Variants in SYT1 observed in about 807,000 individuals in gnomAD.
The protein encoded by SYT1 is synaptotagmin 1, also known as synaptotagmin-1.
In SYT1, 8 loss-of-function variants were observed where a neutral mutation model predicts 44.8. The observed-to-expected ratio is 0.18, with a 90% CI of 0.10 to 0.32. The LOEUF is 0.32. Ranked by LOEUF, SYT1 falls within the 10% of genes least tolerant of loss-of-function variation. SYT1 has a pLI of 1.00. For synonymous variants in SYT1, 154 were observed against 188.8 expected (o/e 0.82, Z 1.51); for missense variants, 286 against 509.3 (o/e 0.56, Z 4.22).
intron 1 of SYT1, among the ~76,000 whole-genome samples, chr12:78,906,045 T>C (rs1875963302): frequency 6.6e-6 from 1 of 152,058 alleles, no homozygotes. Context: ...AAAAGCACTA[T>C]TTTTAGCATA....
chr12:79,127,999 G>C (rs1002891302), intron 3 of SYT1, among the ~76,000 whole-genome samples: 1 of 152,186 alleles, frequency 6.6e-6, no homozygotes, highest in Non-Finnish European at 1.5e-5. Context: ...AACAGAAACA[G>C]TCATAATATA....
At chr12:79,117,164 A>G (rs79469272) in intron 3 of SYT1, among the ~76,000 whole-genome samples, 3,728 of 152,280 alleles carry the variant, frequency 0.024, 120 homozygotes, top group South Asian at 0.11. Context: ...AAAATCATTT[A>G]TAGGCTAATT....
intron 1 of SYT1, among the ~76,000 whole-genome samples, chr12:78,936,252 G>A (rs1878051346): frequency 6.6e-6 from 1 of 152,084 alleles, no homozygotes; most frequent in Non-Finnish European, 1.5e-5. Context: ...TAAGGACATA[G>A]TATTCATTGT....
chr12:79,083,280 T>A (rs983519180), intron 3 of SYT1, among the ~76,000 whole-genome samples: 9 of 152,164 alleles, frequency 5.9e-5, no homozygotes, highest in Non-Finnish European at 1.2e-4. Context: ...AAGATAAGAC[T>A]TATATACATT....
At chr12:78,891,225 A>C (rs1440327447) in intron 1 of SYT1, among the ~76,000 whole-genome samples, 1 of 151,876 alleles carries the variant, frequency 6.6e-6, no homozygotes, top group Admixed American at 6.6e-5. Context: ...CCAACATATA[A>C]TTTATGGTGT....
rs548550580 is a variant in SYT1, at chr12:79,406,267, G to A, written c.929-37806G>A. On this transcript the variant is annotated intron_variant, in intron 9 of 10. Transcript: ENST00000261205. ...TGCACTGCACTGTGGTGACTGGTAT[G>A]TCTGTAGCTGCAGGTTAAGCACTAT... Among the ~76,000 whole-genome samples the A allele has an allele frequency of 1.3e-5, 2 of 152,134 alleles. 1 individual carries two copies. Among genetic ancestry groups the A allele is most frequent in the South Asian group, 4.1e-4 (2 of 4,834 alleles).
chr12:78,883,014 A>G (rs533393579), intron 1 of SYT1, among the ~76,000 whole-genome samples: 1 of 151,834 alleles, frequency 6.6e-6, no homozygotes, highest in South Asian at 2.1e-4. Flanking sequence ...TAAAGTAGAG[A>G]TTGTTACTGA....
chr12:79,427,155 T>C (rs1379411004), intron 9 of SYT1, among the ~76,000 whole-genome samples: 3 of 152,214 alleles, frequency 2.0e-5, no homozygotes, highest in African/African-American at 7.2e-5. Context: ...CTCACTACAG[T>C]TATTCCAGCT....
At chr12:79,383,440 T>C (rs972684751) in intron 9 of SYT1, among the ~76,000 whole-genome samples, 1 of 152,208 alleles carries the variant, frequency 6.6e-6, no homozygotes, top group Non-Finnish European at 1.5e-5. Flanking sequence ...ATGAATATTT[T>C]CATGCTGTTC....
In SYT1 at chr12:79,127,955, TAA is replaced by T. The variant is rs368124821; in HGVS notation, c.-18+80595_-18+80596del. Among the ~76,000 whole-genome samples the T allele has an allele frequency of 8.5e-5, 13 of 152,264 alleles. No homozygotes were observed. In the East Asian group the frequency reaches 2.3e-3, roughly 27 times the overall value. ...ATAGATAGATGGGTAGATAGGTAAA[TAA>T]ATGCATGATGGATGAATTAGGTAGA... On this transcript the variant is annotated intron_variant, in intron 3 of 10. Coordinates refer to ENST00000261205, the MANE Select transcript of SYT1 (RefSeq NM_005639.3).
At chr12:78,948,809 T>TCCA (rs1878804638) in intron 1 of SYT1, among the ~76,000 whole-genome samples, 1 of 151,776 alleles carries the variant, frequency 6.6e-6, no homozygotes, top group African/African-American at 2.4e-5. Context: ...AGATAACTAC[T>TCCA]TGCATAGTGT....
intron 9 of SYT1, among the ~76,000 whole-genome samples, chr12:79,403,863 G>T (rs1274821001): frequency 1.3e-5 from 2 of 152,114 alleles, no homozygotes; most frequent in East Asian, 3.9e-4. Context: ...CTTCCTTCCT[G>T]GTGGTTCCAA....
intron 3 of SYT1, among the ~76,000 whole-genome samples, chr12:79,122,123 G>A (rs998353136): frequency 2.0e-5 from 3 of 152,166 alleles, no homozygotes; most frequent in African/African-American, 7.2e-5. Flanking sequence ...CACATCTTGA[G>A]TAAACTCTCA....
chr12:78,934,256 T>C (rs992475137), intron 1 of SYT1, among the ~76,000 whole-genome samples: 4 of 151,804 alleles, frequency 2.6e-5, no homozygotes, highest in African/African-American at 9.7e-5. Flanking sequence ...CCGTCATGTG[T>C]CAAGGACAGG....
chr12:78,905,760 GT>G (rs1337817452), intron 1 of SYT1, among the ~76,000 whole-genome samples: 4 of 151,796 alleles, frequency 2.6e-5, no homozygotes, highest in Admixed American at 2.6e-4. Flanking sequence ...TAAAGATAGA[GT>G]TTTTTGACCT....
chr12:79,357,268 A>G (rs185924854), intron 9 of SYT1, among the ~76,000 whole-genome samples: 154 of 152,298 alleles, frequency 1.0e-3, no homozygotes, highest in African/African-American at 3.6e-3. Flanking sequence ...GCACATCTCT[A>G]CAGTAGATCC....
intron 3 of SYT1, among the ~76,000 whole-genome samples, chr12:79,173,799 T>C (rs180717962): frequency 6.6e-6 from 1 of 152,186 alleles, no homozygotes; most frequent in Admixed American, 6.6e-5. Flanking sequence ...ATGAATTTAG[T>C]CAGTACGATT....
chr12:79,324,928 T>A (rs547672482), intron 8 of SYT1, among the ~76,000 whole-genome samples: 40 of 152,358 alleles, frequency 2.6e-4, no homozygotes, highest in Admixed American at 1.2e-3. Flanking sequence ...ATCATATTAA[T>A]CCAAAATACT....
intron 4 of SYT1, among the ~76,000 whole-genome samples, chr12:79,270,391 G>A (rs922373476): frequency 7.1e-4 from 108 of 152,260 alleles, no homozygotes; most frequent in African/African-American, 2.6e-3. Flanking sequence ...TATGTTGAAG[G>A]TAGAAAATGC....
Sources: allele counts gnomAD v4.1 joint callset (sites outside exome capture counted in the v4.1 genomes callset), GRCh38; gene constraint gnomAD v4.1.1; transcripts MANE v1.5; gene names NCBI Gene and HGNC (gene_info 2026-07-23, HGNC 2026-07-21).